Variants in OSBPL10 observed in about 807,000 individuals in gnomAD.
OSBPL10 encodes oxysterol-binding protein-related protein 10.
A neutral mutation model predicts 81.7 loss-of-function variants in OSBPL10; 49 were observed. The observed-to-expected ratio is 0.60, with a 90% CI of 0.48 to 0.76. The LOEUF (loss-of-function observed/expected upper bound fraction) is 0.76. Ranked by LOEUF, OSBPL10 falls within the 30% of genes least tolerant of loss-of-function variation. The pLI, the probability that OSBPL10 is intolerant of heterozygous loss-of-function variation, is 0.00. For missense variants in OSBPL10, 923 were observed against 987.8 expected, an observed-to-expected ratio of 0.93 and a Z score of 0.88; for synonymous variants, 419 against 383.6, an observed-to-expected ratio of 1.09 and a Z score of -1.08.
At chr3:31,913,237 TTTA>T (rs1696643533) in intron 1 of OSBPL10, among the ~76,000 whole-genome samples, 2 of 144,480 alleles carry the variant, frequency 1.4e-5, no homozygotes, top group African/African-American at 2.5e-5. Context: ...GGTTTTTTTT[TTTA>T]TTTTGTTTTT....
chr3:31,688,731 G>A (rs1700863986), intron 7 of OSBPL10, among the ~76,000 whole-genome samples: 2 of 152,216 alleles, frequency 1.3e-5, no homozygotes, highest in Admixed American at 1.3e-4. Context: ...CGAGCAACAT[G>A]AGAATATTCA....
chr3:31,855,396 G>T (rs1700884229), intron 3 of OSBPL10, among the ~76,000 whole-genome samples: 1 of 152,098 alleles, frequency 6.6e-6, no homozygotes, highest in Admixed American at 6.6e-5. Flanking sequence ...TGACATTTTT[G>T]AAGAATACAG....
In OSBPL10 at chr3:31,979,114, G is replaced by A. The variant is rs559109982; in HGVS notation, c.281+1785C>T. ...TGCTGTTACTGACAAGGCACCTTGA[G>A]TTGCCATTAACGAGACATAATTACC... On this transcript the variant is annotated intron_variant, in intron 1 of 11. Transcript: ENST00000396556. Among the ~76,000 whole-genome samples, 99 of 152,248 alleles carry A rather than the reference G, an allele frequency of 6.5e-4. No individual in the cohort carries two copies. In the Middle Eastern group the frequency reaches 0.01, roughly 16 times the overall value.
At chr3:32,006,673 G>A (rs1699208058) in intron 2 of OSBPL10, among the ~76,000 whole-genome samples, 1 of 152,124 alleles carries the variant, frequency 6.6e-6, no homozygotes, top group Non-Finnish European at 1.5e-5. Context: ...CAATAGTGAG[G>A]CACTGTTGCC....
chr3:31,833,480 G>A (rs1328446644), intron 3 of OSBPL10, among the ~76,000 whole-genome samples: 1 of 152,086 alleles, frequency 6.6e-6, no homozygotes, highest in Non-Finnish European at 1.5e-5. Context: ...AAGCTGCATG[G>A]ACAAAGTTTG....
rs114239523 is a variant in OSBPL10 at position 31,826,879 on chromosome 3, A to C, written c.729+3161T>G. On this transcript the variant is annotated intron_variant, in intron 4 of 11. Transcript: ENST00000396556. ...AGGTGGACATGGTGTCTGAAGACTGAAACTTTAAACTCTTCCTAAAGGGGC... is the reference window on the plus strand; with the variant it reads ...AGGTGGACATGGTGTCTGAAGACTGCAACTTTAAACTCTTCCTAAAGGGGC... Among the ~76,000 whole-genome samples, 1,172 of 152,306 alleles carry C rather than the reference A, an allele frequency of 7.7e-3. 16 individuals carry two copies. The highest frequency in any genetic ancestry group is 0.026 in the African/African-American group (1,089 of 41,560).
At chr3:32,022,605 G>T (rs959417333) in intron 2 of OSBPL10, among the ~76,000 whole-genome samples, 1 of 152,130 alleles carries the variant, frequency 6.6e-6, no homozygotes, top group Non-Finnish European at 1.5e-5. Context: ...AGGCAATGTG[G>T]TGAAACCCCA....
chr3:31,943,650 G>C (rs1402554307), intron 1 of OSBPL10, among the ~76,000 whole-genome samples: 2 of 152,066 alleles, frequency 1.3e-5, no homozygotes, highest in Non-Finnish European at 2.9e-5. Flanking sequence ...ATTGTATCAA[G>C]AGCATTAACT....
chr3:31,938,059 C>CA (rs2125733418), intron 1 of OSBPL10, among the ~76,000 whole-genome samples: 1 of 152,308 alleles, frequency 6.6e-6, no homozygotes, highest in Non-Finnish European at 1.5e-5. Flanking sequence ...CCAACTCTGA[C>CA]AGTACCTGCC....
chr3:32,016,925 A>G (rs1450251422), intron 2 of OSBPL10, among the ~76,000 whole-genome samples: 1 of 152,208 alleles, frequency 6.6e-6, no homozygotes, highest in Non-Finnish European at 1.5e-5. Flanking sequence ...CACATGGCAC[A>G]TTCTTGGTAG....
At chr3:31,688,402 C>A (rs568186008) in intron 7 of OSBPL10, among the ~76,000 whole-genome samples, 3 of 151,884 alleles carry the variant, frequency 2.0e-5, no homozygotes, top group Admixed American at 6.6e-5. Flanking sequence ...CTCTGTGAAG[C>A]TTTTTTTGAC....
chr3:32,042,205 C>T (rs530880446), intron 2 of OSBPL10, among the ~76,000 whole-genome samples: 8 of 152,318 alleles, frequency 5.3e-5, no homozygotes, highest in African/African-American at 9.6e-5. Flanking sequence ...ACAATTTCAC[C>T]TCCCATCTGT....
chr3:31,885,297 A>T (rs999223630), intron 1 of OSBPL10, among the ~76,000 whole-genome samples: 3 of 152,182 alleles, frequency 2.0e-5, no homozygotes, highest in African/African-American at 7.2e-5. Flanking sequence ...TCACACTCAC[A>T]TACTCACAAA....
chr3:32,000,679 T>C (rs1320367822), intron 2 of OSBPL10, among the ~76,000 whole-genome samples: 1 of 152,208 alleles, frequency 6.6e-6, no homozygotes, highest in African/African-American at 2.4e-5. Flanking sequence ...ACTCCTGCAC[T>C]GCAAGGTGAT....
chr3:31,956,009 A>G (rs1344696632), intron 1 of OSBPL10, among the ~76,000 whole-genome samples: 1 of 152,216 alleles, frequency 6.6e-6, no homozygotes, highest in Non-Finnish European at 1.5e-5. Flanking sequence ...TATCCATGCT[A>G]TAGATGGGAA....
intron 3 of OSBPL10, among the ~76,000 whole-genome samples, chr3:31,859,788 G>A (rs965116517): frequency 3.9e-5 from 6 of 152,134 alleles, no homozygotes; most frequent in Non-Finnish European, 8.8e-5. Flanking sequence ...AAAGGGCTTT[G>A]GTTCCAGAAT....
At chr3:31,774,020 G>C (rs968812177) in intron 4 of OSBPL10, among the ~76,000 whole-genome samples, 3 of 152,032 alleles carry the variant, frequency 2.0e-5, no homozygotes, top group Non-Finnish European at 2.9e-5. Context: ...AGATTAGCCG[G>C]GCGTGGTGGC....
chr3:31,813,287 C>T (rs189863788), intron 4 of OSBPL10, among the ~76,000 whole-genome samples: 121 of 152,304 alleles, frequency 7.9e-4, no homozygotes, highest in African/African-American at 2.7e-3. Context: ...CTTCATTTTG[C>T]AGGTGGCAGC....
chr3:31,776,538 G>A (rs1351990834), intron 4 of OSBPL10, among the ~76,000 whole-genome samples: 1 of 152,122 alleles, frequency 6.6e-6, no homozygotes, highest in Non-Finnish European at 1.5e-5. Flanking sequence ...AATAGCCAAA[G>A]GTGGAAGCAG....
Sources: allele counts gnomAD v4.1 joint callset (sites outside exome capture counted in the v4.1 genomes callset), GRCh38; gene constraint gnomAD v4.1.1; transcripts MANE v1.5; gene names NCBI Gene and HGNC (gene_info 2026-07-23, HGNC 2026-07-21).